The following DNAH3 variants were observed in gnomAD, a reference collection of about 807,000 sequenced individuals.
DNAH3 encodes the protein axonemal beta dynein heavy chain 3.
A neutral mutation model predicts 432.5 loss-of-function variants in DNAH3; 332 were observed. The ratio of observed to expected loss-of-function variants is 0.77; its 90% CI spans 0.70 to 0.84. The LOEUF is 0.84. Among genes scored for constraint, DNAH3 ranks in the 40% least tolerant of loss-of-function variants. The pLI, the probability that DNAH3 is intolerant of heterozygous loss-of-function variation, is 0.00. For synonymous variants in DNAH3, 1,956 were observed against 1,900.2 expected (o/e 1.03, Z -0.76); for missense variants, 4,861 against 5,114.0 (o/e 0.95, Z 1.51).
At chr16:20,950,250 G>A (rs1305790980) in intron 56 of DNAH3, among the ~76,000 whole-genome samples, 2 of 152,194 alleles carry the variant, frequency 1.3e-5, no homozygotes, top group African/African-American at 4.8e-5. Context: ...ACTCTACTGA[G>A]TTAAGGTCAA....
intron 59 of DNAH3, among the ~76,000 whole-genome samples, chr16:20,941,074 T>G (rs899830419): frequency 2.0e-5 from 3 of 152,142 alleles, no homozygotes; most frequent in African/African-American, 7.2e-5. Flanking sequence ...CACTCCAACT[T>G]GAGCGACAGA....
At chr16:21,031,435 T>C (rs942360397) in intron 36 of DNAH3, 149 bp from the exon 37 acceptor site, 2 of 1,041,474 alleles carry the variant, frequency 1.9e-6, no homozygotes, top group Non-Finnish European at 1.4e-6. Context: ...TCAGTTTTTA[T>C]AGAGATTGGG....
chr16:20,969,061 C>A (rs1479059200), intron 52 of DNAH3, among the ~76,000 whole-genome samples: 5 of 151,096 alleles, frequency 3.3e-5, no homozygotes, highest in African/African-American at 1.2e-4. Context: ...GCATGCAAGT[C>A]TCTCCCCATC....
At chr16:21,139,204 A>T (rs2092685046) in intron 5 of DNAH3, among the ~76,000 whole-genome samples, 1 of 152,056 alleles carries the variant, frequency 6.6e-6, no homozygotes, top group Non-Finnish European at 1.5e-5. Context: ...AATGGTGGGA[A>T]CTATGACAAA....
intron 10 of DNAH3, chr16:21,121,069 T>C: frequency 1.5e-6 from 1 of 667,626 alleles, no homozygotes; most frequent in South Asian, 1.5e-5. Flanking sequence ...TCGTTTCACA[T>C]GAGCAAGGCC....
At position 21,051,883 on chromosome 16, in the gene DNAH3, A is replaced by G. The variant is rs763420300; in HGVS notation, c.4040-15T>C. ...CACGTCGCGGGCTGTTGGGACACAG[A>G]TGCAGAAACACGCACACAGAGCCAT... On this transcript the variant is annotated splice_polypyrimidine_tract_variant and intron_variant, in intron 28 of 61. Coordinates refer to ENST00000261383, the Ensembl canonical transcript of DNAH3. 5.0e-6 allele frequency: 8 copies of G among 1,612,388 alleles called. No homozygotes were observed. The highest frequency in any genetic ancestry group is 6.8e-6 in the Non-Finnish European group (8 of 1,178,414).
At chr16:21,076,701 TA>T (rs2090988533) in intron 20 of DNAH3, among the ~76,000 whole-genome samples, 1 of 152,178 alleles carries the variant, frequency 6.6e-6, no homozygotes, top group Middle Eastern at 3.4e-3. Context: ...AACCTGACAT[TA>T]ATTAATCCTT....
intron 41 of DNAH3, among the ~76,000 whole-genome samples, chr16:21,004,628 G>T (rs1393163377): frequency 6.6e-6 from 1 of 151,984 alleles, no homozygotes; most frequent in South Asian, 2.1e-4. Context: ...TTGGCCTCCC[G>T]AAGTGCTAGG....
exon 15 of DNAH3, chr16:21,106,570 A>G: frequency 6.2e-7 from 1 of 1,612,474 alleles, no homozygotes; most frequent in Non-Finnish European, 8.5e-7. Flanking sequence ...GAACACAGTG[A>G]CAGCACTGGA....
At chr16:20,982,921 C>T in intron 48 of DNAH3, 35 bp from the exon 49 acceptor site, 1 of 1,610,898 alleles carries the variant, frequency 6.2e-7, no homozygotes, top group Non-Finnish European at 8.5e-7. Context: ...TTACCTTCCT[C>T]CAAGGCAGGT....
chr16:21,125,432 C>A (rs1384699034), intron 8 of DNAH3, 62 bp from the exon 10 acceptor site: 1 of 1,430,252 alleles, frequency 7.0e-7, no homozygotes. Flanking sequence ...ACCCACTTGC[C>A]GTGCCCCCTG....
Position 21,049,901 on chromosome 16 carries a change from T to C in DNAH3, c.4347+9A>G. On this transcript the variant is annotated intron_variant, in intron 30 of 61. Transcript: ENST00000261383. The stretch of plus-strand genomic sequence containing the variant: ...GAAGAGAGGGAGGGGATAGATGGCA[T>C]TTGCTTACCTGCTTAGCCAAGGCTT... The C allele has an allele frequency of 6.2e-7, 1 of 1,610,304 alleles. No homozygotes were observed. Among genetic ancestry groups the C allele is most frequent in the Non-Finnish European group, 8.5e-7 (1 of 1,176,552 alleles).
Position 21,138,854 on chromosome 16 carries a change from G to A in DNAH3, c.696+1682C>T, listed in dbSNP as rs988781350. Among the ~76,000 whole-genome samples the A allele has an allele frequency of 4.0e-5, 6 of 151,046 alleles. No homozygotes were observed. The East Asian group carries it at 9.7e-4, about 24-fold the overall frequency. On this transcript the variant is annotated intron_variant, in intron 5 of 61. Transcript: ENST00000261383. ...CAGAGACTTTGGTATCAGCCAGACC[G>A]GCTTTCAGTCTTAGTTTTGTCTCCT...
chr16:21,090,917 A>C (rs2091514313), intron 18 of DNAH3, among the ~76,000 whole-genome samples: 1 of 152,020 alleles, frequency 6.6e-6, no homozygotes, highest in Non-Finnish European at 1.5e-5. Flanking sequence ...TTTGGGAATC[A>C]GAGGCGGGTG....
At chr16:21,067,233 T>TA in intron 24 of DNAH3, 50 bp downstream of exon 24, 1 of 1,603,420 alleles carries the variant, frequency 6.2e-7, no homozygotes, top group South Asian at 1.1e-5. Flanking sequence ...TAATTCTACC[T>TA]ACATATGGGG....
chr16:21,157,576 C>T (rs2092907520), intron 1 of DNAH3, among the ~76,000 whole-genome samples: 1 of 152,030 alleles, frequency 6.6e-6, no homozygotes, highest in South Asian at 2.1e-4. Context: ...GTGATCTGCC[C>T]ACCTCAGCCT....
exon 29 of DNAH3, chr16:21,051,861 G>A (rs774286374): frequency 7.4e-6 from 12 of 1,614,054 alleles, no homozygotes; most frequent in Admixed American, 3.3e-5. Context: ...TGGCCACCAC[G>A]TCGCGGGCTG....
intron 48 of DNAH3, chr16:20,985,072 C>G: frequency 1.9e-6 from 3 of 1,608,472 alleles, no homozygotes; most frequent in Non-Finnish European, 2.5e-6. Flanking sequence ...AAGGTTCTTT[C>G]TCACCCTCTC....
At chr16:21,026,285 T>C (rs192809556) in intron 38 of DNAH3, among the ~76,000 whole-genome samples, 3 of 152,264 alleles carry the variant, frequency 2.0e-5, no homozygotes, top group Admixed American at 6.5e-5. Flanking sequence ...GCTGATTTTA[T>C]GACAAATCTA....
Sources: allele counts gnomAD v4.1 joint callset (sites outside exome capture counted in the v4.1 genomes callset), GRCh38; gene constraint gnomAD v4.1.1; transcripts MANE v1.5; gene names NCBI Gene and HGNC (gene_info 2026-07-23, HGNC 2026-07-21).